CCDC12: variants seen among roughly 807,000 people sequenced by gnomAD.
CCDC12 encodes coiled-coil domain-containing protein 12.
In CCDC12, 28 loss-of-function variants were observed where a neutral mutation model predicts 25.7. The ratio of observed to expected loss-of-function variants is 1.09; its 90% CI spans 0.81 to 1.50. The LOEUF (loss-of-function observed/expected upper bound fraction) is 1.50. Among genes scored for constraint, CCDC12 ranks in the 40% most tolerant of loss-of-function variants. The pLI is 0.00. For synonymous variants in CCDC12, 75 were observed against 87.7 expected (o/e 0.86, Z 0.81); for missense variants, 198 against 210.0 (o/e 0.94, Z 0.35).
chr3:46,937,425 G>C (rs555855063), intron 2 of CCDC12, among the ~76,000 whole-genome samples: 41 of 152,278 alleles, frequency 2.7e-4, no homozygotes, highest in African/African-American at 9.1e-4. Flanking sequence ...GTGCTGGTGG[G>C]GCTTCACACC....
At chr3:46,931,745 G>A (rs2033225176) in intron 2 of CCDC12, among the ~76,000 whole-genome samples, 1 of 152,218 alleles carries the variant, frequency 6.6e-6, no homozygotes, top group Non-Finnish European at 1.5e-5. Context: ...GAACTGCTGT[G>A]AGGCACTCCT....
At chr3:46,947,114 G>A (rs752674995) in intron 1 of CCDC12, among the ~76,000 whole-genome samples, 2 of 152,258 alleles carry the variant, frequency 1.3e-5, no homozygotes, top group East Asian at 3.9e-4. Flanking sequence ...CTGCTATAAT[G>A]TCCATGGGAA....
intron 1 of CCDC12, among the ~76,000 whole-genome samples, chr3:46,945,604 T>C (rs1433110625): frequency 6.6e-6 from 1 of 152,230 alleles, no homozygotes; most frequent in Non-Finnish European, 1.5e-5. Flanking sequence ...TGTGCAAAGT[T>C]GGTATTGTTT....
At chr3:46,968,495 T>C (rs951232315) in intron 1 of CCDC12, among the ~76,000 whole-genome samples, 2 of 152,166 alleles carry the variant, frequency 1.3e-5, no homozygotes, top group Non-Finnish European at 1.5e-5. Flanking sequence ...GCTAGACACT[T>C]CATAGACAGC....
At chr3:46,976,887 CG>C, upstream of CCDC12, 1 of 1,291,394 alleles carries the variant, frequency 7.7e-7, no homozygotes, top group South Asian at 1.6e-5. Context: ...GAGCCCTCCC[CG>C]CCTTGCCCCG....
At chr3:46,958,573 G>A (rs562857889) in intron 1 of CCDC12, among the ~76,000 whole-genome samples, 3 of 152,222 alleles carry the variant, frequency 2.0e-5, no homozygotes, top group Non-Finnish European at 2.9e-5. Context: ...CCCGACCCTC[G>A]GTTTGGTTCT....
upstream of CCDC12, among the ~76,000 whole-genome samples, chr3:46,979,127 G>T (rs1334106241): frequency 6.6e-6 from 1 of 152,234 alleles, no homozygotes; most frequent in African/African-American, 2.4e-5. Context: ...CTGGAGGAGG[G>T]AGGGGGACCC....
intron 1 of CCDC12, among the ~76,000 whole-genome samples, chr3:46,969,688 T>G (rs1332468643): frequency 2.0e-5 from 3 of 152,154 alleles, no homozygotes. Flanking sequence ...CTGCCCAGCT[T>G]TGGGCTCCCA....
At chr3:46,972,258 CAGG>C (rs1175628482) in intron 1 of CCDC12, among the ~76,000 whole-genome samples, 1 of 152,142 alleles carries the variant, frequency 6.6e-6, no homozygotes, top group Admixed American at 6.5e-5. Flanking sequence ...TGCCTGAGGC[CAGG>C]TGTTTGAGAT....
At position 46,927,680 on chromosome 3, in the gene CCDC12, C is replaced by T. The variant is rs530515625; in HGVS notation, c.165-2145G>A. ...CATGGGAAGGTCTCATTCTGGGCCT[C>T]AGTTTCCACATTTAGAAACATTACG... On this transcript the variant is annotated intron_variant, in intron 2 of 6. Coordinates refer to ENST00000683445, the MANE Select transcript of CCDC12 (RefSeq NM_001277074.2). Among the ~76,000 whole-genome samples, 52 of 152,322 alleles carry T rather than the reference C, an allele frequency of 3.4e-4. No homozygotes were observed. The South Asian group carries it at 0.01, about 30-fold the overall frequency.
chr3:46,944,757 T>C (rs2033841033), intron 1 of CCDC12, among the ~76,000 whole-genome samples: 1 of 151,774 alleles, frequency 6.6e-6, no homozygotes, highest in South Asian at 2.1e-4. Flanking sequence ...CCAACCTGTC[T>C]CCCCTAAGTC....
chr3:46,980,656 C>A (rs2035265913), upstream of CCDC12, among the ~76,000 whole-genome samples: 1 of 152,104 alleles, frequency 6.6e-6, no homozygotes, highest in Non-Finnish European at 1.5e-5. Context: ...AGCTCCCCAC[C>A]CATCTCAGAA....
upstream of CCDC12, among the ~76,000 whole-genome samples, chr3:46,978,663 C>CA: frequency 6.6e-6 from 1 of 152,084 alleles, no homozygotes; most frequent in African/African-American, 2.4e-5. Context: ...CTCATTTGGT[C>CA]AACTTGGGCC....
chr3:46,937,429 T>C (rs2107129396), intron 2 of CCDC12, among the ~76,000 whole-genome samples: 1 of 152,256 alleles, frequency 6.6e-6, no homozygotes, highest in African/African-American at 2.4e-5. Flanking sequence ...TGGTGGGGCT[T>C]CACACCTGGC....
At chr3:46,970,053 C>A (rs752984655) in intron 1 of CCDC12, among the ~76,000 whole-genome samples, 2 of 151,878 alleles carry the variant, frequency 1.3e-5, no homozygotes, top group Non-Finnish European at 2.9e-5. Context: ...TATAAGTGCA[C>A]GACACCATTC....
chr3:46,946,197 C>T (rs1295980521), intron 1 of CCDC12, among the ~76,000 whole-genome samples: 1 of 152,208 alleles, frequency 6.6e-6, no homozygotes, highest in East Asian at 1.9e-4. Context: ...TTTCCTTGCA[C>T]CCCTCAGTCT....
chr3:46,975,932 G>C (rs1231026958), intron 1 of CCDC12: 1 of 136,576 alleles, frequency 7.3e-6, no homozygotes, highest in Non-Finnish European at 1.5e-5. Flanking sequence ...TACAACCTCT[G>C]CCTCCCAGGC....
chr3:46,979,645 G>A, upstream of CCDC12: 2 of 311,048 alleles, frequency 6.4e-6, no homozygotes, highest in Non-Finnish European at 1.2e-5. Context: ...GCGAAGTGCA[G>A]GAAGCTGGGC....
intron 1 of CCDC12, 125 bp downstream of exon 1, chr3:46,976,512 T>A: frequency 6.9e-7 from 1 of 1,446,450 alleles, no homozygotes. Context: ...CGCGCATGCG[T>A]TAGCGCCCGC....
Sources: gnomAD v4.1 joint callset for allele counts (sites outside exome capture counted in the v4.1 genomes callset) on GRCh38, gnomAD v4.1.1 for gene constraint, MANE v1.5 for transcripts, NCBI Gene and HGNC (gene_info 2026-07-23, HGNC 2026-07-21) for gene names.